LSM3: variants seen among roughly 807,000 people sequenced by gnomAD.
LSM3 encodes U6 snRNA-associated Sm-like protein LSm3.
In LSM3, 14 loss-of-function variants were observed where a neutral mutation model predicts 15.4. That is an observed-to-expected ratio of 0.91 (90% CI 0.60 to 1.42). LSM3 has a LOEUF of 1.42. LSM3 is among the 40% of genes most tolerant of loss of function. The probability of loss-of-function intolerance (pLI) is 0.00; values close to 1 mark genes in which losing one functional copy is unlikely to be tolerated. For synonymous variants in LSM3, 46 were observed against 45.1 expected, an observed-to-expected ratio of 1.02 and a Z score of -0.08; for missense variants, 88 against 127.9, an observed-to-expected ratio of 0.69 and a Z score of 1.50.
At chr3:14,194,682 C>G (rs1697171985) in intron 3 of LSM3, among the ~76,000 whole-genome samples, 1 of 150,086 alleles carries the variant, frequency 6.7e-6, no homozygotes, top group South Asian at 2.1e-4. Flanking sequence ...CTATCAGACA[C>G]ACATGCACAC....
chr3:14,189,130 A>ACTC lies in LSM3; in HGVS notation c.228+5104_228+5106dup, dbSNP rs538633300. 3.3e-5 allele frequency among the ~76,000 whole-genome samples: 5 copies of ACTC among 151,892 alleles called. No individual in the cohort carries two copies. In the East Asian group the frequency reaches 5.8e-4, roughly 18 times the overall value. ...ATCCATGTCCCTGCAAAGGACATGA[A>ACTC]CTCCTCCTTTTTTATAGCTGCACAG... On this transcript the variant is annotated intron_variant, in intron 3 of 3. Transcript: ENST00000306024.
intron 1 of LSM3, among the ~76,000 whole-genome samples, chr3:14,181,087 C>G (rs1402901531): frequency 6.6e-6 from 1 of 152,070 alleles, no homozygotes; most frequent in African/African-American, 2.4e-5. Context: ...AGTTGGCAGC[C>G]TAAACTCAAC....
intron 3 of LSM3, among the ~76,000 whole-genome samples, chr3:14,191,654 C>A (rs1697140841): frequency 6.6e-6 from 1 of 152,074 alleles, no homozygotes; most frequent in Non-Finnish European, 1.5e-5. Context: ...TTTATTGCGT[C>A]TATTTGATTC....
At chr3:14,186,945 C>T (rs1390034161) in intron 3 of LSM3, among the ~76,000 whole-genome samples, 3 of 152,168 alleles carry the variant, frequency 2.0e-5, no homozygotes, top group East Asian at 1.9e-4. Context: ...TAATATTCTG[C>T]TTTATTCATG....
chr3:14,181,345 A>G (rs1375255956), intron 1 of LSM3, among the ~76,000 whole-genome samples: 1 of 152,202 alleles, frequency 6.6e-6, no homozygotes, highest in Non-Finnish European at 1.5e-5. Flanking sequence ...TTTATATAGC[A>G]CGTATTATGT....
At chr3:14,184,751 C>T (rs1034884975) in intron 3 of LSM3, among the ~76,000 whole-genome samples, 6 of 141,952 alleles carry the variant, frequency 4.2e-5, no homozygotes, top group East Asian at 4.3e-4. Flanking sequence ...AGCGAGACTC[C>T]GTCTCAAAAA....
At chr3:14,191,404 G>C (rs1697138452) in intron 3 of LSM3, among the ~76,000 whole-genome samples, 1 of 152,114 alleles carries the variant, frequency 6.6e-6, no homozygotes, top group Non-Finnish European at 1.5e-5. Context: ...CTGTGAATCT[G>C]TCTGGTCCTG....
chr3:14,187,653 C>T (rs759640784), intron 3 of LSM3, among the ~76,000 whole-genome samples: 16 of 152,136 alleles, frequency 1.1e-4, no homozygotes, highest in Non-Finnish European at 1.8e-4. Context: ...TTTTACATTT[C>T]GCTCTCTCTC....
In LSM3 at chr3:14,194,586, T is replaced by C. The variant is rs147690273; in HGVS notation, c.229-3450T>C. Among the ~76,000 whole-genome samples, 170 of 152,170 alleles carry C rather than the reference T, an allele frequency of 1.1e-3. 1 individual carries two copies. The highest frequency in any genetic ancestry group is 3.8e-3 in the African/African-American group (159 of 41,526). On this transcript the variant is annotated intron_variant, in intron 3 of 3. Coordinates refer to ENST00000306024, the MANE Select transcript of LSM3 (RefSeq NM_014463.3). ...ACTCTAAATGTTTGTATGAGTGAAC[T>C]TCAGATTTCATTGCAGGTTGACTCA...
intron 3 of LSM3, among the ~76,000 whole-genome samples, chr3:14,187,745 G>C (rs1697102224): frequency 6.6e-6 from 1 of 152,128 alleles, no homozygotes; most frequent in African/African-American, 2.4e-5. Flanking sequence ...AGGTTGTTGG[G>C]TTTTTTTCCC....
chr3:14,189,521 T>A (rs1020880246), intron 3 of LSM3, among the ~76,000 whole-genome samples: 2 of 152,254 alleles, frequency 1.3e-5, no homozygotes, highest in Non-Finnish European at 2.9e-5. Context: ...GGTATCTCAT[T>A]GTGGCTTTGA....
intron 3 of LSM3, among the ~76,000 whole-genome samples, chr3:14,186,021 C>T (rs995594305): frequency 1.3e-5 from 2 of 152,042 alleles, no homozygotes; most frequent in African/African-American, 4.8e-5. Context: ...AAGCAATTCT[C>T]GTGCCTCAGC....
At chr3:14,192,614 G>C (rs1308528826) in intron 3 of LSM3, among the ~76,000 whole-genome samples, 1 of 151,822 alleles carries the variant, frequency 6.6e-6, no homozygotes, top group South Asian at 2.1e-4. Context: ...TGCTTTTTTT[G>C]CTTTCCATTC....
At chr3:14,187,378 AAGTCTATTT>A (rs1331866636) in intron 3 of LSM3, among the ~76,000 whole-genome samples, 3 of 152,214 alleles carry the variant, frequency 2.0e-5, no homozygotes, top group Non-Finnish European at 4.4e-5. Flanking sequence ...ACAGTAAGCA[AAGTCTATTT>A]AGTTAATGAG....
Position 14,198,071 on chromosome 3 carries a change from G to A in LSM3, c.264G>A (p.Arg88=), listed in dbSNP as rs1228723729. The change falls in exon 4 of 4, where the codon CGG becomes CGA. Residue 88 remains arginine (R), a synonymous_variant. Coordinates refer to ENST00000306024, the MANE Select transcript of LSM3 (RefSeq NM_014463.3). ...TKRNIPMLFV[R]GDGVVLVAPP... ...GGAATATTCCAATGCTCTTTGTCCG[G>A]GGAGATGGCGTTGTCCTGGTTGCCC... The A allele has an allele frequency of 2.5e-6, 4 of 1,613,486 alleles. No homozygotes were observed. The highest frequency in any genetic ancestry group is 3.4e-6 in the Non-Finnish European group (4 of 1,179,822).
rs557148913 is a variant in LSM3 at position 14,196,853 on chromosome 3, T to C, written c.229-1183T>C. 2.6e-5 allele frequency among the ~76,000 whole-genome samples: 4 copies of C among 152,344 alleles called. No homozygotes were observed. In the South Asian group the frequency reaches 6.2e-4, roughly 24 times the overall value. ...TTGGCAATGCAATTTCTTTAAAAAC[T>C]TAGAACATAGGTTTCTGAGCTGTTT... On this transcript the variant is annotated intron_variant, in intron 3 of 3. Transcript: ENST00000306024.
chr3:14,192,743 T>C (rs563721642), intron 3 of LSM3, among the ~76,000 whole-genome samples: 3 of 152,228 alleles, frequency 2.0e-5, no homozygotes, highest in Non-Finnish European at 4.4e-5. Context: ...TGCCAGTCTG[T>C]TTCTTTTAAT....
intron 1 of LSM3, 47 bp from the exon 2 acceptor site, chr3:14,181,513 C>G (rs1697038230): frequency 8.1e-7 from 1 of 1,228,864 alleles, no homozygotes; most frequent in East Asian, 2.3e-5. Flanking sequence ...GATTTAAGCA[C>G]TACTCTGACT....
chr3:14,180,820 C>CTTTTTTTTTTTTTTT lies in LSM3; in HGVS notation c.22-740_22-739insTTTTTTTTTTTTTTT, dbSNP rs1436714313. Among the ~76,000 whole-genome samples the CTTTTTTTTTTTTTTT allele has an allele frequency of 9.7e-5, 5 of 51,398 alleles. 2 individuals carry two copies. Among genetic ancestry groups the CTTTTTTTTTTTTTTT allele is most frequent in the African/African-American group, 2.3e-4 (3 of 13,078 alleles). 33.7% of individuals were successfully genotyped at this position (51,398 alleles called of 152,430 possible). On this transcript the variant is annotated intron_variant, in intron 1 of 3. Transcript: ENST00000306024. ...TGACTCCAAAGCCAGTGCTTGCTTG[C>CTTTTTTTTTTTTTTT]CTTTTTTTTTTTTTTTTTTTTTTTT...
Sources: gnomAD v4.1 joint callset for allele counts (sites outside exome capture counted in the v4.1 genomes callset) on GRCh38, gnomAD v4.1.1 for gene constraint, MANE v1.5 for transcripts, NCBI Gene and HGNC (gene_info 2026-07-23, HGNC 2026-07-21) for gene names.